The following ARSB variants were observed in gnomAD, a reference collection of about 807,000 sequenced individuals.
ARSB encodes the protein arylsulfatase B, also known as N-acetylgalactosamine-4-sulfatase.
Under a neutral mutation model 50.9 loss-of-function variants are expected in ARSB, and 41 were observed. The ratio of observed to expected loss-of-function variants is 0.81; its 90% CI spans 0.63 to 1.04. The LOEUF (loss-of-function observed/expected upper bound fraction) is 1.04, where lower values mean the gene tolerates loss of function less well. ARSB is among the 50% of genes least tolerant of loss of function. The probability of loss-of-function intolerance (pLI) is 0.00; values close to 1 mark genes in which losing one functional copy is unlikely to be tolerated. For missense variants in ARSB, 672 were observed against 693.3 expected, an observed-to-expected ratio of 0.97 and a Z score of 0.35; for synonymous variants, 269 against 284.8, an observed-to-expected ratio of 0.94 and a Z score of 0.56.
intron 4 of ARSB, among the ~76,000 whole-genome samples, chr5:78,946,861 T>A (rs530647562): frequency 4.6e-5 from 7 of 152,172 alleles, no homozygotes; most frequent in Admixed American, 2.6e-4. Context: ...AGGAATCACA[T>A]TACCTGATTT....
At chr5:78,810,392 GA>G (rs1174995250) in intron 6 of ARSB, among the ~76,000 whole-genome samples, 1 of 152,210 alleles carries the variant, frequency 6.6e-6, no homozygotes, top group Non-Finnish European at 1.5e-5. Context: ...GCTTTGAACA[GA>G]AAATGCAGTT....
intron 4 of ARSB, among the ~76,000 whole-genome samples, chr5:78,909,341 AT>A (rs1749201793): frequency 6.6e-6 from 1 of 152,244 alleles, no homozygotes; most frequent in Non-Finnish European, 1.5e-5. Context: ...ACTTTAAAAA[AT>A]AATCTGTGTC....
chr5:78,979,631 G>A (rs530022247), intron 1 of ARSB, among the ~76,000 whole-genome samples: 1 of 152,048 alleles, frequency 6.6e-6, no homozygotes, highest in Non-Finnish European at 1.5e-5. Flanking sequence ...CCTTTCAGTG[G>A]GTCCCTGTTT....
At position 78,779,909 on chromosome 5, in the gene ARSB, G is replaced by A; in HGVS notation, c.*488C>T. On this transcript the variant is annotated 3_prime_UTR_variant, in exon 8 of 8. Coordinates refer to ENST00000264914, the MANE Select transcript of ARSB (RefSeq NM_000046.5). The stretch of plus-strand genomic sequence containing the variant: ...AGTAAGGGGTGAACCAAGAGGGGTG[G>A]TTCACTTGGAGTGCCTGAACATGAT... 1 of 191,920 alleles carries A rather than the reference G, an allele frequency of 5.2e-6. No homozygotes were observed. Among genetic ancestry groups the A allele is most frequent in the Non-Finnish European group, 1.1e-5 (1 of 92,342 alleles). The allele number at this position is 191,920 out of a possible 1,614,324, so 11.9% of individuals were successfully genotyped here.
At chr5:78,846,105 T>C (rs1426396133) in intron 5 of ARSB, among the ~76,000 whole-genome samples, 1 of 152,156 alleles carries the variant, frequency 6.6e-6, no homozygotes, top group African/African-American at 2.4e-5. Context: ...CATGTGGATA[T>C]CCAATTTTCC....
At chr5:78,826,510 AAAT>A (rs1207353492) in intron 6 of ARSB, among the ~76,000 whole-genome samples, 1 of 152,216 alleles carries the variant, frequency 6.6e-6, no homozygotes, top group African/African-American at 2.4e-5. Flanking sequence ...AATATTTAAA[AAAT>A]AATATGTGCT....
chr5:78,835,364 C>G (rs1744904872), intron 6 of ARSB, among the ~76,000 whole-genome samples: 1 of 152,046 alleles, frequency 6.6e-6, no homozygotes, highest in Non-Finnish European at 1.5e-5. Flanking sequence ...AGGCCAGCTT[C>G]TGGGAGCATG....
chr5:78,935,749 A>G (rs981591366), intron 4 of ARSB, among the ~76,000 whole-genome samples: 1 of 152,334 alleles, frequency 6.6e-6, no homozygotes, highest in Non-Finnish European at 1.5e-5. Context: ...ACTATCGGGT[A>G]GTTATAATTT....
At chr5:78,830,923 T>C (rs910779354) in intron 6 of ARSB, among the ~76,000 whole-genome samples, 3 of 152,128 alleles carry the variant, frequency 2.0e-5, no homozygotes, top group African/African-American at 4.8e-5. Context: ...TCCCACTCTA[T>C]AAGAACCCAG....
chr5:78,808,963 G>T (rs1205026460), intron 6 of ARSB, among the ~76,000 whole-genome samples: 1 of 152,192 alleles, frequency 6.6e-6, no homozygotes, highest in East Asian at 1.9e-4. Flanking sequence ...CAACTAGTCA[G>T]AGCTAAGATG....
intron 1 of ARSB, among the ~76,000 whole-genome samples, chr5:78,972,543 A>ACACACACACACACACACACACC (rs1361695118): frequency 1.0e-4 from 15 of 150,410 alleles, no homozygotes; most frequent in African/African-American, 3.2e-4. Context: ...ACACACACAC[A>ACACACACACACACACACACACC]CCCCAAATCA....
At chr5:78,800,057 T>A (rs1743325797) in intron 6 of ARSB, among the ~76,000 whole-genome samples, 2 of 152,042 alleles carry the variant, frequency 1.3e-5, no homozygotes, top group African/African-American at 4.8e-5. Context: ...GTGGCTCACG[T>A]CTGTAATCCC....
chr5:78,851,676 T>C (rs561808073), intron 5 of ARSB, among the ~76,000 whole-genome samples: 3 of 152,318 alleles, frequency 2.0e-5, no homozygotes, highest in African/African-American at 4.8e-5. Context: ...AGTCTCCTAT[T>C]ATTATTGTGT....
intron 4 of ARSB, among the ~76,000 whole-genome samples, chr5:78,908,583 T>C (rs1010969487): frequency 1.3e-5 from 2 of 151,960 alleles, no homozygotes; most frequent in Non-Finnish European, 2.9e-5. Flanking sequence ...ACACCAACAA[T>C]GAAAACAAGG....
At chr5:78,848,969 T>C (rs1385662938) in intron 5 of ARSB, among the ~76,000 whole-genome samples, 1 of 152,234 alleles carries the variant, frequency 6.6e-6, no homozygotes, top group African/African-American at 2.4e-5. Flanking sequence ...ATATTAGCCC[T>C]TTGTCAGATG....
At chr5:78,882,845 A>G (rs1254124308) in intron 5 of ARSB, 1 of 125,768 alleles carries the variant, frequency 8.0e-6, no homozygotes, top group Non-Finnish European at 1.6e-5. Context: ...GTGCAGTGGC[A>G]CCGTGTTGGC....
At chr5:78,932,263 T>A (rs1580079787) in intron 4 of ARSB, among the ~76,000 whole-genome samples, 1 of 152,220 alleles carries the variant, frequency 6.6e-6, no homozygotes, top group South Asian at 2.1e-4. Flanking sequence ...TTACCTCCCA[T>A]GTGACTGAGG....
In ARSB at chr5:78,892,248, C is replaced by CTTTTTTTTTT. The variant is rs34960858; in HGVS notation, c.899-6431_899-6422dup. On this transcript the variant is annotated intron_variant, in intron 4 of 7. Coordinates refer to ENST00000264914, the MANE Select transcript of ARSB (RefSeq NM_000046.5). ...GTCCTCCTAGATTGCATTCTCTATT[C>CTTTTTTTTTT]TTTTTTTTTTTTTTTTTTTTTTTTT... Among the ~76,000 whole-genome samples the CTTTTTTTTTT allele has an allele frequency of 3.3e-4, 29 of 87,240 alleles. 1 individual carries two copies. Among genetic ancestry groups the CTTTTTTTTTT allele is most frequent in the African/African-American group, 1.0e-3 (19 of 19,094 alleles). 57.2% of individuals were successfully genotyped at this position (87,240 alleles called of 152,430 possible). A position where few individuals can be genotyped will look rare whatever the true frequency, so the allele number is the denominator to read the frequency against.
At chr5:78,928,822 T>C (rs1750183185) in intron 4 of ARSB, among the ~76,000 whole-genome samples, 2 of 152,178 alleles carry the variant, frequency 1.3e-5, no homozygotes, top group African/African-American at 4.8e-5. Flanking sequence ...AATTATTTAT[T>C]TTCCCTTCTA....
Sources: allele counts gnomAD v4.1 joint callset (sites outside exome capture counted in the v4.1 genomes callset), GRCh38; gene constraint gnomAD v4.1.1; transcripts MANE v1.5; gene names NCBI Gene and HGNC (gene_info 2026-07-23, HGNC 2026-07-21).